ALMS1: variants seen among roughly 807,000 people sequenced by gnomAD.
ALMS1 encodes centrosome-associated protein ALMS1.
A neutral mutation model predicts 352.2 loss-of-function variants in ALMS1; 271 were observed. The observed-to-expected ratio is 0.77, with a 90% confidence interval of 0.70 to 0.85. The LOEUF (loss-of-function observed/expected upper bound fraction) is 0.85. Among genes scored for constraint, ALMS1 ranks in the 40% least tolerant of loss-of-function variants. The pLI, the probability that ALMS1 is intolerant of heterozygous loss-of-function variation, is 0.00. For missense variants in ALMS1, 5,445 were observed against 4,870.7 expected, an observed-to-expected ratio of 1.12 and a Z score of -3.51; for synonymous variants, 1,865 against 1,761.2, an observed-to-expected ratio of 1.06 and a Z score of -1.48.
At chr2:73,467,413 C>T (rs913310250) in intron 9 of ALMS1, among the ~76,000 whole-genome samples, 2 of 152,036 alleles carry the variant, frequency 1.3e-5, no homozygotes, top group Non-Finnish European at 2.9e-5. Flanking sequence ...TAATGAGATA[C>T]TGCTTCATAT....
intron 9 of ALMS1, among the ~76,000 whole-genome samples, chr2:73,472,687 C>T (rs1262539441): frequency 6.6e-6 from 1 of 152,050 alleles, no homozygotes; most frequent in Non-Finnish European, 1.5e-5. Flanking sequence ...CCTACCATTC[C>T]TTGTGCCTAG....
intron 10 of ALMS1, among the ~76,000 whole-genome samples, chr2:73,513,838 C>A (rs1326466715): frequency 6.6e-6 from 1 of 152,136 alleles, no homozygotes; most frequent in Non-Finnish European, 1.5e-5. Flanking sequence ...AATTCTAATA[C>A]TCTGTGCTAG....
chr2:73,408,626 T>C lies in ALMS1; in HGVS notation c.329T>C (p.Val110Ala), dbSNP rs1193275022. Reference sequence around the variant, plus strand: ...AAGCCTGCTTTTGATTTTCAGATTGTTCCATTGACCTGTCATGTATGGCAA... The same window carrying C: ...AAGCCTGCTTTTGATTTTCAGATTGCTCCATTGACCTGTCATGTATGGCAA... ...EGERTSLEKI[V>A]PLTCHVWQQI... The change falls in exon 2 of 23, where the codon GTT becomes GCT. Residue 110 changes from valine (V) to alanine (A), a missense_variant. Transcript: ENST00000613296. The C allele has an allele frequency of 1.9e-6, 3 of 1,612,914 alleles. No individual in the cohort carries two copies. Among genetic ancestry groups the C allele is most frequent in the Non-Finnish European group, 2.5e-6 (3 of 1,179,356 alleles).
chr2:73,506,222 G>A (rs932178957), intron 10 of ALMS1, among the ~76,000 whole-genome samples: 1 of 152,178 alleles, frequency 6.6e-6, no homozygotes, highest in African/African-American at 2.4e-5. Flanking sequence ...CAGGTAGCAT[G>A]ATGCCTCCAG....
In ALMS1 at chr2:73,451,998, C is replaced by T; in HGVS notation, c.5471C>T (p.Thr1824Ile). The T allele has an allele frequency of 6.2e-7, 1 of 1,613,650 alleles. No individual in the cohort carries two copies. The highest frequency in any genetic ancestry group is 8.5e-7 in the Non-Finnish European group (1 of 1,179,744). Reference sequence around the variant, plus strand: ...TACCAGCGAGAGTTGCCGCATTTTACTGAAGCAGGTTTGAAAATTTTAAGA... The same window carrying T: ...TACCAGCGAGAGTTGCCGCATTTTATTGAAGCAGGTTTGAAAATTTTAAGA... The part of the protein sequence containing the change: ...VSYQRELPHF[T>I]EAGLKILRVP... Residue 1824 changes from threonine (T) to isoleucine (I), a missense_variant, in exon 8 of 23, where the codon ACT becomes ATT. Transcript: ENST00000613296.
chr2:73,570,410 A>T (rs1297074560), intron 15 of ALMS1, among the ~76,000 whole-genome samples: 4 of 152,196 alleles, frequency 2.6e-5, no homozygotes, highest in African/African-American at 9.6e-5. Context: ...TTGGCCATAC[A>T]TTGAGGTCAT....
intron 2 of ALMS1, among the ~76,000 whole-genome samples, chr2:73,415,461 CTTTT>C (rs539612413): frequency 3.5e-4 from 53 of 151,866 alleles, no homozygotes; most frequent in African/African-American, 1.2e-3. Flanking sequence ...GGCAGAGTGA[CTTTT>C]TTTTATTTTC....
At chr2:73,572,148 A>G in intron 15 of ALMS1, 114 bp from the exon 16 acceptor site, 1 of 919,518 alleles carries the variant, frequency 1.1e-6, no homozygotes, top group South Asian at 1.9e-5. Context: ...GATACCTTAT[A>G]TAAACTATTC....
chr2:73,465,573 C>T (rs1672317894), intron 9 of ALMS1, among the ~76,000 whole-genome samples: 2 of 152,234 alleles, frequency 1.3e-5, no homozygotes, highest in South Asian at 4.1e-4. Flanking sequence ...AGGACATAGG[C>T]ATGGGCAAAG....
intron 12 of ALMS1, among the ~76,000 whole-genome samples, chr2:73,548,625 T>G (rs1674367540): frequency 6.6e-6 from 1 of 152,256 alleles, no homozygotes; most frequent in South Asian, 2.1e-4. Flanking sequence ...CCATTTACAG[T>G]TGTTTGTGTT....
intron 9 of ALMS1, among the ~76,000 whole-genome samples, chr2:73,484,506 A>G (rs1416865420): frequency 6.6e-6 from 1 of 150,992 alleles, no homozygotes; most frequent in Non-Finnish European, 1.5e-5. Context: ...TGTCCTTAAC[A>G]TTTTTTCCTT....
rs748755413 is a variant in ALMS1 at position 73,534,942 on chromosome 2, C to T, written c.9900C>T (p.Ser3300=). The change falls in exon 12 of 23, where the codon TCC becomes TCT. Residue 3300 remains serine, a synonymous_variant. Transcript: ENST00000613296. The part of the protein sequence containing the change: ...DSKSDTTVES[S]HSGSNDAIAP... Reference sequence around the variant, plus strand: ...AATCAGATACCACCGTTGAAAGCTCCCATTCAGGTATTATGCAGAAATTAT... The same window carrying T: ...AATCAGATACCACCGTTGAAAGCTCTCATTCAGGTATTATGCAGAAATTAT... The T allele has an allele frequency of 6.2e-7, 1 of 1,613,686 alleles. No homozygotes were observed. The highest frequency in any genetic ancestry group is 8.5e-7 in the Non-Finnish European group (1 of 1,179,742).
intron 11 of ALMS1, among the ~76,000 whole-genome samples, chr2:73,534,364 G>A (rs1203987496): frequency 6.6e-6 from 1 of 152,116 alleles, no homozygotes; most frequent in Non-Finnish European, 1.5e-5. Flanking sequence ...GACTCTGGAA[G>A]CAGAATAAGA....
At chr2:73,545,842 A>G (rs919136366) in intron 12 of ALMS1, among the ~76,000 whole-genome samples, 2 of 152,246 alleles carry the variant, frequency 1.3e-5, no homozygotes, top group South Asian at 2.1e-4. Context: ...TGAACATATG[A>G]CTACGGAAGA....
chr2:73,586,559 G>A lies in ALMS1; in HGVS notation c.11548-12842G>A, dbSNP rs562807162. Among the ~76,000 whole-genome samples the A allele has an allele frequency of 7.9e-5, 12 of 152,134 alleles. 1 individual carries two copies. The South Asian group carries it at 2.5e-3, about 32-fold the overall frequency. ...TTTGTCAAAGATCAGTTGGCTGTAA[G>A]TATTTGGCTTTATTTCTGGGTTCTG... On this transcript the variant is annotated intron_variant, in intron 16 of 22. Coordinates refer to ENST00000613296, the MANE Select transcript of ALMS1 (RefSeq NM_001378454.1).
At chr2:73,601,824 C>G (rs1224187647) in intron 19 of ALMS1, among the ~76,000 whole-genome samples, 1 of 152,196 alleles carries the variant, frequency 6.6e-6, no homozygotes, top group Admixed American at 6.5e-5. Flanking sequence ...GAAACCAGGT[C>G]TCTTCTGATG....
intron 21 of ALMS1, 118 bp from the exon 22 acceptor site, chr2:73,608,357 A>G (rs1211674098): frequency 9.6e-6 from 8 of 829,760 alleles, no homozygotes; most frequent in Non-Finnish European, 1.6e-5. Context: ...GGCCTTTCTG[A>G]GAGGGATGAG....
chr2:73,402,168 G>T (rs1159836483), intron 1 of ALMS1, among the ~76,000 whole-genome samples: 2 of 151,846 alleles, frequency 1.3e-5, no homozygotes, highest in Non-Finnish European at 2.9e-5. Flanking sequence ...GTATCTGTAT[G>T]AGGTGGTGGT....
At chr2:73,458,053 AGGT>A (rs973317528) in intron 9 of ALMS1, 2 of 149,924 alleles carry the variant, frequency 1.3e-5, no homozygotes, top group African/African-American at 4.9e-5. Context: ...AAAAAAAAAA[AGGT>A]CTAAAACTTT....
Sources: allele counts gnomAD v4.1 joint callset (sites outside exome capture counted in the v4.1 genomes callset), GRCh38; gene constraint gnomAD v4.1.1; transcripts MANE v1.5; gene names NCBI Gene and HGNC (gene_info 2026-07-23, HGNC 2026-07-21).